Variants in ULK4 observed in about 807,000 individuals in gnomAD.
The protein encoded by ULK4 is inactive serine/threonine-protein kinase ULK4.
Under a neutral mutation model 160.6 loss-of-function variants are expected in ULK4, and 133 were observed. The ratio of observed to expected loss-of-function variants is 0.83; its 90% CI spans 0.72 to 0.96. The LOEUF (loss-of-function observed/expected upper bound fraction) is 0.96. Ranked by LOEUF, ULK4 falls within the 40% of genes least tolerant of loss-of-function variation. ULK4 has a pLI of 0.00. For synonymous variants in ULK4, 534 were observed against 539.8 expected, an observed-to-expected ratio of 0.99 and a Z score of 0.15; for missense variants, 1,580 against 1,499.5, an observed-to-expected ratio of 1.05 and a Z score of -0.89.
chr3:41,493,055 A>G (rs1180752272), intron 32 of ULK4, among the ~76,000 whole-genome samples: 1 of 107,192 alleles, frequency 9.3e-6, no homozygotes, highest in Non-Finnish European at 2.0e-5. Context: ...CAGGAATTGA[A>G]CTCAGCTCTG....
chr3:41,803,627 C>T (rs1362048740), intron 19 of ULK4, among the ~76,000 whole-genome samples: 1 of 152,020 alleles, frequency 6.6e-6, no homozygotes, highest in Non-Finnish European at 1.5e-5. Context: ...TAATGCTATC[C>T]CTCCCCACTC....
intron 17 of ULK4, among the ~76,000 whole-genome samples, chr3:41,856,535 A>ATGTATATATATATG (rs1559610886): frequency 1.9e-5 from 2 of 105,652 alleles, no homozygotes; most frequent in African/African-American, 5.0e-5. Context: ...ATATATATGT[A>ATGTATATATATATG]TGTATATATA....
chr3:41,446,234 C>T lies in ULK4; in HGVS notation c.3492+9263G>A, dbSNP rs537858676. Among the ~76,000 whole-genome samples the T allele has an allele frequency of 3.2e-3, 483 of 152,062 alleles. 3 individuals carry two copies. Among genetic ancestry groups the T allele is most frequent in the African/African-American group, 5.9e-3 (246 of 41,456 alleles). The stretch of plus-strand genomic sequence containing the variant: ...TAAAAAGTCAGGAAACAACAGGTGC[C>T]GAAGAGGATGTGGAGAAATAGGAAC... On this transcript the variant is annotated intron_variant, in intron 34 of 36. Transcript: ENST00000301831.
rs528420614 is a variant in ULK4 at position 41,676,221 on chromosome 3, TTATTA to T, written c.2978+5282_2978+5286del. ...ATATTTACAGTTTAATTGTCTTGTA[TTATTA>T]TATTAATACTTAGAATCTAAAGTTA... is the stretch of plus-strand genomic sequence containing the variant. On this transcript the variant is annotated intron_variant, in intron 29 of 36. Transcript: ENST00000301831. Among the ~76,000 whole-genome samples the T allele has an allele frequency of 3.3e-5, 5 of 152,350 alleles. No individual in the cohort carries two copies. In the South Asian group the frequency reaches 1.0e-3, roughly 32 times the overall value.
chr3:41,285,633 G>T lies in ULK4; in HGVS notation c.3679-36059C>A, dbSNP rs533850934. On this transcript the variant is annotated intron_variant, in intron 35 of 36. Coordinates refer to ENST00000301831, the MANE Select transcript of ULK4 (RefSeq NM_017886.4). ...CGAGTGATAAAAGACTACAAACAGG[G>T]TGCAGAGTATACTGTGAGTGATGGG... 2.6e-5 allele frequency among the ~76,000 whole-genome samples: 4 copies of T among 152,224 alleles called. No homozygotes were observed. The South Asian group carries it at 6.2e-4, about 24-fold the overall frequency.
chr3:41,624,069 T>C (rs1160208992), intron 30 of ULK4, among the ~76,000 whole-genome samples: 1 of 152,230 alleles, frequency 6.6e-6, no homozygotes, highest in African/African-American at 2.4e-5. Flanking sequence ...AGTTCATTTA[T>C]ATTTTCTCTC....
chr3:41,914,499 T>G (rs1698903014), intron 8 of ULK4, among the ~76,000 whole-genome samples: 1 of 152,210 alleles, frequency 6.6e-6, no homozygotes, highest in African/African-American at 2.4e-5. Context: ...GTTCCTAGAA[T>G]GCAGGAAATG....
chr3:41,947,155 G>A (rs1028259067), intron 2 of ULK4, among the ~76,000 whole-genome samples: 5 of 152,062 alleles, frequency 3.3e-5, no homozygotes, highest in South Asian at 2.1e-4. Context: ...GTGAAACCCC[G>A]TCTCTACTAA....
In ULK4 at chr3:41,250,511, G is replaced by C. The variant is rs117670723; in HGVS notation, c.3679-937C>G. ...CTGAAATTAAGGGGCTGCTACAGGA[G>C]TCCACACGGAGCCAGACTGTCTCCC... On this transcript the variant is annotated intron_variant, in intron 35 of 36. Transcript: ENST00000301831. Among the ~76,000 whole-genome samples, 166 of 152,268 alleles carry C rather than the reference G, an allele frequency of 1.1e-3. 1 individual carries two copies. In the East Asian group the frequency reaches 0.03, roughly 27 times the overall value.
intron 34 of ULK4, among the ~76,000 whole-genome samples, chr3:41,433,135 G>C (rs142609197): frequency 3.9e-5 from 6 of 152,070 alleles, no homozygotes; most frequent in Non-Finnish European, 7.4e-5. Flanking sequence ...GAGTTCTTAC[G>C]AATCAATGAA....
At chr3:41,786,445 T>C (rs890900288) in intron 21 of ULK4, among the ~76,000 whole-genome samples, 1 of 151,652 alleles carries the variant, frequency 6.6e-6, no homozygotes, top group African/African-American at 2.4e-5. Flanking sequence ...TACAAAAAAA[T>C]ACAAAAATTA....
rs143011589 is a variant in ULK4, at chr3:41,419,738, G to A, written c.3493-21474C>T. 1.4e-3 allele frequency among the ~76,000 whole-genome samples: 214 copies of A among 152,234 alleles called. 2 individuals are homozygous for A. Among genetic ancestry groups the A allele is most frequent in the Admixed American group, 2.5e-3 (38 of 15,294 alleles). On this transcript the variant is annotated intron_variant, in intron 34 of 36. Coordinates refer to ENST00000301831, the MANE Select transcript of ULK4 (RefSeq NM_017886.4). ...CATCACTGTGAAGGCCCGGGGGTACGTGCTGGGCTGCTTGTTCTCTGGCAT... is the reference window on the plus strand; with the variant it reads ...CATCACTGTGAAGGCCCGGGGGTACATGCTGGGCTGCTTGTTCTCTGGCAT...
intron 17 of ULK4, among the ~76,000 whole-genome samples, chr3:41,879,040 C>T (rs1363801095): frequency 6.6e-6 from 1 of 151,808 alleles, no homozygotes; most frequent in Admixed American, 6.6e-5. Flanking sequence ...CAATTTGGGC[C>T]AAGACAAGGG....
chr3:41,935,907 T>C lies in ULK4; in HGVS notation c.272A>G (p.Glu91Gly), dbSNP rs776064091. The change falls in exon 4 of 37, where the codon GAA becomes GGA. Residue 91 changes from glutamate (E) to glycine (G), a missense_variant. Transcript: ENST00000301831. ...GSLKTVIAQDENLPEDVVREF... is the reference protein window; with the variant it reads ...GSLKTVIAQDGNLPEDVVREF... Reference sequence around the variant, plus strand: ...TCTCACAACATCTTCTGGGAGGTTTTCATCTTGAGCAATAACTGTTTTTAA... The same window carrying C: ...TCTCACAACATCTTCTGGGAGGTTTCCATCTTGAGCAATAACTGTTTTTAA... 1.5e-5 allele frequency: 25 copies of C among 1,613,866 alleles called. No individual in the cohort carries two copies. The East Asian group carries it at 5.1e-4, about 33-fold the overall frequency.
At chr3:41,714,686 T>C (rs2037203801) in intron 25 of ULK4, among the ~76,000 whole-genome samples, 1 of 151,880 alleles carries the variant, frequency 6.6e-6, no homozygotes. Flanking sequence ...TCCTCAAAAT[T>C]AAAGAAAAAG....
In ULK4 at chr3:41,463,208, A is replaced by G; in HGVS notation, c.3272T>C (p.Leu1091Pro). The G allele has an allele frequency of 1.2e-6, 2 of 1,613,552 alleles. No individual in the cohort carries two copies. The highest frequency in any genetic ancestry group is 1.7e-6 in the Non-Finnish European group (2 of 1,179,598). The change falls in exon 33 of 37, where the codon CTG becomes CCG. Residue 1091 changes from leucine to proline, a missense_variant. By Grantham distance (98) the Leu-to-Pro change is moderately conservative (BLOSUM62 -3). Coordinates refer to ENST00000301831, the MANE Select transcript of ULK4 (RefSeq NM_017886.4). ...GTTTTTATTGTCCACATCCAAGCAC[A>G]GTGTGGCAGTTTCAGTGAGCAGGTT... The part of the protein sequence containing the change: ...ICNLLTETAT[L>P]CLDVDNKNNN...
intron 31 of ULK4, among the ~76,000 whole-genome samples, chr3:41,587,585 T>A (rs1282306619): frequency 2.0e-5 from 3 of 152,140 alleles, no homozygotes; most frequent in African/African-American, 7.2e-5. Context: ...CTATGAAATA[T>A]TCATTTGGTA....
intron 22 of ULK4, among the ~76,000 whole-genome samples, chr3:41,718,493 C>CACCTTAGACATTTAAGGT (rs1287272031): frequency 1.3e-5 from 2 of 150,730 alleles, no homozygotes; most frequent in East Asian, 3.8e-4. Context: ...ACTGGACCAT[C>CACCTTAGACATTTAAGGT]ACCTTAGACA....
chr3:41,358,415 A>T (rs1174223868), intron 35 of ULK4, among the ~76,000 whole-genome samples: 2 of 152,198 alleles, frequency 1.3e-5, no homozygotes, highest in African/African-American at 2.4e-5. Flanking sequence ...CAGTAAGTGT[A>T]AAGGGGATAA....
Sources: gnomAD v4.1 joint callset for allele counts (sites outside exome capture counted in the v4.1 genomes callset) on GRCh38, gnomAD v4.1.1 for gene constraint, MANE v1.5 for transcripts, NCBI Gene and HGNC (gene_info 2026-07-23, HGNC 2026-07-21) for gene names.